Variants in PHTF2 observed in about 807,000 individuals in gnomAD.
PHTF2 encodes putative homeodomain transcription factor 2, also known as protein PHTF2.
In PHTF2, 60 loss-of-function variants were observed where a neutral mutation model predicts 101.2. The ratio of observed to expected loss-of-function variants is 0.59; its 90% CI spans 0.48 to 0.73. The LOEUF (loss-of-function observed/expected upper bound fraction) is 0.73. Ranked by LOEUF, PHTF2 falls within the 30% of genes least tolerant of loss-of-function variation. The probability of loss-of-function intolerance (pLI) is 0.00; values close to 1 mark genes in which losing one functional copy is unlikely to be tolerated. For synonymous variants in PHTF2, 311 were observed against 307.3 expected, an observed-to-expected ratio of 1.01 and a Z score of -0.13; for missense variants, 747 against 908.7, an observed-to-expected ratio of 0.82 and a Z score of 2.29.
intron 3 of PHTF2, among the ~76,000 whole-genome samples, chr7:77,889,407 A>G (rs937834086): frequency 6.6e-6 from 1 of 152,158 alleles, no homozygotes; most frequent in African/African-American, 2.4e-5. Context: ...GTCTGAATTC[A>G]TATGTAAGGG....
At chr7:77,851,863 C>T (rs1796789597) in intron 2 of PHTF2, among the ~76,000 whole-genome samples, 1 of 152,042 alleles carries the variant, frequency 6.6e-6, no homozygotes, top group Admixed American at 6.6e-5. Context: ...TTAAACTTTC[C>T]TCTTAGTACT....
intron 10 of PHTF2, among the ~76,000 whole-genome samples, chr7:77,921,206 CTTTTG>C (rs1300067709): frequency 1.3e-5 from 2 of 152,018 alleles, no homozygotes; most frequent in Non-Finnish European, 2.9e-5. Context: ...GTTTTGTTTT[CTTTTG>C]TTTTGTTTTT....
At chr7:77,876,485 G>A (rs936639505) in intron 3 of PHTF2, among the ~76,000 whole-genome samples, 1 of 152,120 alleles carries the variant, frequency 6.6e-6, no homozygotes, top group Non-Finnish European at 1.5e-5. Context: ...CATGTCTTTT[G>A]AAGTTTTTTT....
intron 15 of PHTF2, among the ~76,000 whole-genome samples, chr7:77,941,182 A>G: frequency 6.6e-6 from 1 of 152,198 alleles, no homozygotes. Flanking sequence ...TGACCTGAAG[A>G]CCAATCATCC....
chr7:77,816,114 G>A (rs544090779), intron 1 of PHTF2, among the ~76,000 whole-genome samples: 14 of 151,302 alleles, frequency 9.3e-5, no homozygotes, highest in African/African-American at 2.2e-4. Flanking sequence ...ATGATCTGTC[G>A]CCCAGGCTGA....
intron 1 of PHTF2, among the ~76,000 whole-genome samples, chr7:77,821,373 T>A (rs1016085469): frequency 7.9e-5 from 12 of 152,218 alleles, no homozygotes; most frequent in African/African-American, 2.4e-4. Context: ...TAGATGTCCA[T>A]CTCTCTCCCA....
intron 9 of PHTF2, among the ~76,000 whole-genome samples, chr7:77,916,149 G>T (rs192286967): frequency 1.1e-4 from 17 of 152,122 alleles, no homozygotes; most frequent in Middle Eastern, 3.4e-3. Context: ...TTTTTATCTT[G>T]CATTCTGTTT....
At chr7:77,892,740 G>C (rs1263529814) in intron 3 of PHTF2, among the ~76,000 whole-genome samples, 5 of 152,174 alleles carry the variant, frequency 3.3e-5, no homozygotes, top group African/African-American at 1.2e-4. Flanking sequence ...AGAATGATTT[G>C]TTCATCCTGC....
chr7:77,878,797 A>G (rs954776953), intron 3 of PHTF2, among the ~76,000 whole-genome samples: 4 of 152,200 alleles, frequency 2.6e-5, no homozygotes, highest in Admixed American at 1.3e-4. Context: ...AGAGATGGGT[A>G]TTGAATCAAC....
intron 3 of PHTF2, among the ~76,000 whole-genome samples, chr7:77,873,517 G>T (rs1423969928): frequency 6.6e-6 from 1 of 152,078 alleles, no homozygotes; most frequent in Non-Finnish European, 1.5e-5. Flanking sequence ...AGCAAACAGG[G>T]GTGTGAGAGG....
chr7:77,864,797 TTCTTTC>T (rs1797922771), intron 3 of PHTF2, among the ~76,000 whole-genome samples: 1 of 152,034 alleles, frequency 6.6e-6, no homozygotes. Context: ...TTTTTCTTGA[TTCTTTC>T]TCTTTACAGT....
At chr7:77,859,630 C>G (rs1204022826) in intron 3 of PHTF2, among the ~76,000 whole-genome samples, 2 of 149,058 alleles carry the variant, frequency 1.3e-5, no homozygotes, top group Non-Finnish European at 3.0e-5. Context: ...GTGGCACAAT[C>G]ACAGCTTACT....
chr7:77,917,565 A>C (rs939139021), intron 9 of PHTF2, among the ~76,000 whole-genome samples: 1 of 152,168 alleles, frequency 6.6e-6, no homozygotes, highest in African/African-American at 2.4e-5. Flanking sequence ...TTATATTTAT[A>C]TCTTCTTTCT....
At chr7:77,941,047 C>T (rs1021231636) in intron 15 of PHTF2, among the ~76,000 whole-genome samples, 2 of 152,024 alleles carry the variant, frequency 1.3e-5, no homozygotes, top group African/African-American at 4.8e-5. Context: ...TTTAGGAAAA[C>T]ACTTTTTTTC....
At chr7:77,838,269 G>A (rs1795620187) in intron 1 of PHTF2, among the ~76,000 whole-genome samples, 1 of 152,158 alleles carries the variant, frequency 6.6e-6, no homozygotes, top group Non-Finnish European at 1.5e-5. Flanking sequence ...GTAAGGGAAA[G>A]CTTCCTCAAA....
chr7:77,955,871 A>G (rs1331797272), exon 20 of PHTF2: 2 of 152,338 alleles, frequency 1.3e-5, no homozygotes, highest in African/African-American at 2.4e-5. Flanking sequence ...GTAAAACTGT[A>G]TCCAAATTTT....
chr7:77,906,895 G>A (rs986489460), intron 7 of PHTF2, among the ~76,000 whole-genome samples: 5 of 144,568 alleles, frequency 3.5e-5, no homozygotes, highest in African/African-American at 7.8e-5. Context: ...GCAGCAGAGC[G>A]AGACTCCGTC....
chr7:77,900,635 G>A (rs757604850), intron 5 of PHTF2, 76 bp from the exon 5 acceptor site: 8 of 769,094 alleles, frequency 1.0e-5, no homozygotes, highest in Admixed American at 7.5e-5. Context: ...TAAATTGAAA[G>A]CTTTAGAAAT....
intron 7 of PHTF2, among the ~76,000 whole-genome samples, chr7:77,906,955 T>C (rs1176015827): frequency 7.5e-6 from 1 of 133,338 alleles, no homozygotes; most frequent in East Asian, 2.4e-4. Context: ...AAAAAAAAGC[T>C]ACTATTCACC....
Sources: allele counts gnomAD v4.1 joint callset (sites outside exome capture counted in the v4.1 genomes callset), GRCh38; gene constraint gnomAD v4.1.1; transcripts MANE v1.5; gene names NCBI Gene and HGNC (gene_info 2026-07-23, HGNC 2026-07-21).